UBE2R2: variants seen among roughly 807,000 people sequenced by gnomAD.
The protein encoded by UBE2R2 is ubiquitin-conjugating enzyme E2 R2.
UBE2R2 carries 1 observed loss-of-function variant against 27.8 expected under a neutral mutation model. The observed-to-expected ratio is 0.04, with a 90% CI of 0.01 to 0.17. UBE2R2 has a LOEUF of 0.17. UBE2R2 is among the 10% of genes least tolerant of loss of function. The pLI is 1.00. For missense variants in UBE2R2, 100 were observed against 291.0 expected (o/e 0.34, Z 4.78); for synonymous variants, 106 against 113.3 (o/e 0.94, Z 0.41).
rs191204356 is a variant in UBE2R2 at position 33,895,745 on chromosome 9, C to G, written c.265-4429C>G. On this transcript the variant is annotated intron_variant, in intron 2 of 4. Transcript: ENST00000263228. ...CGTACAAGTCTTTTCCCTTCCATGA[C>G]TAGATTTATTCTCTCTCTCTCTCTT... Among the ~76,000 whole-genome samples, 37 of 146,906 alleles carry G rather than the reference C, an allele frequency of 2.5e-4. 1 individual carries two copies. The East Asian group carries it at 5.6e-3, about 22-fold the overall frequency.
At chr9:33,827,909 T>G (rs1820351251) in intron 1 of UBE2R2, among the ~76,000 whole-genome samples, 1 of 151,436 alleles carries the variant, frequency 6.6e-6, no homozygotes, top group African/African-American at 2.4e-5. Flanking sequence ...AGGCGGAGGT[T>G]GCAGTGAGCC....
chr9:33,895,060 A>T (rs1016495906), intron 2 of UBE2R2, among the ~76,000 whole-genome samples: 3 of 152,138 alleles, frequency 2.0e-5, no homozygotes, highest in Admixed American at 6.5e-5. Flanking sequence ...CTTATATATT[A>T]TACATATTAA....
intron 1 of UBE2R2, among the ~76,000 whole-genome samples, chr9:33,856,811 G>A (rs922434090): frequency 8.5e-5 from 12 of 140,768 alleles, no homozygotes; most frequent in Admixed American, 1.5e-4. Flanking sequence ...CTGTCCTTCC[G>A]TCCTTCCATC....
intron 3 of UBE2R2, among the ~76,000 whole-genome samples, chr9:33,904,508 A>C (rs530672537): frequency 6.6e-6 from 1 of 152,178 alleles, no homozygotes; most frequent in Non-Finnish European, 1.5e-5. Context: ...ACTCAAGACT[A>C]TTGTTCAGCA....
At chr9:33,816,433 C>A (rs1263621865), upstream of UBE2R2, among the ~76,000 whole-genome samples, 1 of 152,220 alleles carries the variant, frequency 6.6e-6, no homozygotes, top group Non-Finnish European at 1.5e-5. Flanking sequence ...AGGCGAAGGG[C>A]AGCCTGAGCA....
At chr9:33,822,411 G>A (rs902410049) in intron 1 of UBE2R2, among the ~76,000 whole-genome samples, 78 of 142,718 alleles carry the variant, frequency 5.5e-4, no homozygotes, top group Admixed American at 2.5e-3. Context: ...TTACATTAAA[G>A]AAACTCTTCA....
intron 1 of UBE2R2, among the ~76,000 whole-genome samples, chr9:33,883,440 G>A (rs888824565): frequency 1.3e-5 from 2 of 152,140 alleles, no homozygotes; most frequent in Non-Finnish European, 2.9e-5. Context: ...ATAAGGCCGA[G>A]TGCGGTGGCT....
At position 33,859,449 on chromosome 9, in the gene UBE2R2, C is replaced by G. The variant is rs567467789; in HGVS notation, c.178-27432C>G. ...ATCCTTGAGAATATCCCTGTTTTAACATAGTAGGTCATATTTTCAAAATGC... is the reference window on the plus strand; with the variant it reads ...ATCCTTGAGAATATCCCTGTTTTAAGATAGTAGGTCATATTTTCAAAATGC... On this transcript the variant is annotated intron_variant, in intron 1 of 4. Coordinates refer to ENST00000263228, the MANE Select transcript of UBE2R2 (RefSeq NM_017811.4). 5.9e-5 allele frequency among the ~76,000 whole-genome samples: 9 copies of G among 152,250 alleles called. No individual in the cohort carries two copies. In the South Asian group the frequency reaches 1.7e-3, roughly 28 times the overall value.
At chr9:33,845,018 C>T (rs1168592745) in intron 1 of UBE2R2, among the ~76,000 whole-genome samples, 22 of 152,040 alleles carry the variant, frequency 1.4e-4, no homozygotes, top group Non-Finnish European at 3.1e-4. Context: ...ATCCGCCTGC[C>T]TCGACCTTCC....
intron 1 of UBE2R2, among the ~76,000 whole-genome samples, chr9:33,877,823 G>GTCTGTCTGTCTGTCTCTCTCTCTC: frequency 9.2e-5 from 12 of 131,100 alleles, no homozygotes; most frequent in African/African-American, 3.6e-4. Flanking sequence ...CTGTCTGTCT[G>GTCTGTCTGTCTGTCTCTCTCTCTC]TCTCTCTCTC....
At chr9:33,848,661 G>A (rs944060734) in intron 1 of UBE2R2, among the ~76,000 whole-genome samples, 3 of 151,692 alleles carry the variant, frequency 2.0e-5, no homozygotes, top group Non-Finnish European at 4.4e-5. Context: ...GAGTGCAATG[G>A]CGTGATCTCG....
At chr9:33,875,079 C>T (rs1018991688) in intron 1 of UBE2R2, among the ~76,000 whole-genome samples, 3 of 151,762 alleles carry the variant, frequency 2.0e-5, no homozygotes, top group African/African-American at 7.3e-5. Context: ...TCCCAAAGTG[C>T]TGGGATTACA....
chr9:33,822,010 A>G (rs973775120), intron 1 of UBE2R2, among the ~76,000 whole-genome samples: 11 of 152,020 alleles, frequency 7.2e-5, no homozygotes, highest in African/African-American at 2.7e-4. Context: ...CCAGTCTGAT[A>G]ATTTAGAAAG....
intron 2 of UBE2R2, among the ~76,000 whole-genome samples, chr9:33,894,227 T>A (rs1469894114): frequency 6.6e-6 from 1 of 151,762 alleles, no homozygotes; most frequent in Non-Finnish European, 1.5e-5. Context: ...AGGCTAGGAG[T>A]TTGAGACCAG....
intron 1 of UBE2R2, among the ~76,000 whole-genome samples, chr9:33,863,203 AAG>A (rs1491522538): frequency 2.4e-4 from 35 of 147,962 alleles, no homozygotes; most frequent in South Asian, 1.1e-3. Flanking sequence ...AAAAAAAAAA[AAG>A]AAGAAGAAAA....
At chr9:33,906,819 T>G (rs887716231) in intron 3 of UBE2R2, among the ~76,000 whole-genome samples, 2 of 152,198 alleles carry the variant, frequency 1.3e-5, no homozygotes, top group African/African-American at 4.8e-5. Context: ...GGTGGATTGC[T>G]TGAGCCCAGG....
At chr9:33,833,620 T>C (rs1311537179) in intron 1 of UBE2R2, among the ~76,000 whole-genome samples, 2 of 152,234 alleles carry the variant, frequency 1.3e-5, no homozygotes, top group Non-Finnish European at 2.9e-5. Flanking sequence ...TTTTACGACA[T>C]AGCATTTTAT....
intron 1 of UBE2R2, among the ~76,000 whole-genome samples, chr9:33,867,806 C>A (rs531293114): frequency 6.6e-6 from 1 of 152,282 alleles, no homozygotes; most frequent in South Asian, 2.1e-4. Context: ...GTACTCCCAG[C>A]TACTTGGGAG....
At chr9:33,907,037 CTT>C (rs1162312791) in intron 3 of UBE2R2, among the ~76,000 whole-genome samples, 1 of 152,182 alleles carries the variant, frequency 6.6e-6, no homozygotes, top group East Asian at 1.9e-4. Context: ...TTTGCTTTGT[CTT>C]TTAAACACAT....
Sources: gnomAD v4.1 joint callset for allele counts (sites outside exome capture counted in the v4.1 genomes callset) on GRCh38, gnomAD v4.1.1 for gene constraint, MANE v1.5 for transcripts, NCBI Gene and HGNC (gene_info 2026-07-23, HGNC 2026-07-21) for gene names.